Variants in AP2A1 observed in about 807,000 individuals in gnomAD.
AP2A1 encodes the protein adaptor related protein complex 2 subunit alpha 1, also known as AP-2 complex subunit alpha-1.
A neutral mutation model predicts 107.3 loss-of-function variants in AP2A1; 21 were observed. That is an observed-to-expected ratio of 0.20 (90% CI 0.14 to 0.28). AP2A1 has a LOEUF of 0.28. Among genes scored for constraint, AP2A1 ranks in the 10% least tolerant of loss-of-function variants. The probability of loss-of-function intolerance (pLI) is 1.00; values close to 1 mark genes in which losing one functional copy is unlikely to be tolerated. For missense variants in AP2A1, 873 were observed against 1,307.7 expected (o/e 0.67, Z 5.13); for synonymous variants, 602 against 564.8 (o/e 1.07, Z -0.93).
At chr19:49,779,336 CAAA>C (rs34194805) in intron 1 of AP2A1, among the ~76,000 whole-genome samples, 8 of 79,472 alleles carry the variant, frequency 1.0e-4, no homozygotes, top group Admixed American at 2.7e-4. Context: ...GACTCCGTCT[CAAA>C]AAAAAAAAAA....
At position 49,781,927 on chromosome 19, in the gene AP2A1, TC is replaced by T; in HGVS notation, c.137-18del. 6.2e-7 allele frequency: 1 copy of T among 1,611,668 alleles called. No individual in the cohort carries two copies. The highest frequency in any genetic ancestry group is 8.5e-7 in the Non-Finnish European group (1 of 1,179,070). On this transcript the variant is annotated intron_variant, in intron 2 of 22. Coordinates refer to ENST00000354293, the MANE Select transcript of AP2A1 (RefSeq NM_130787.3). ...CCCTTCCTTATTTCTGGCTCCCCTT[TC>T]CTCCTTCCTCTGCCCTAGGAGACAA...
At chr19:49,775,069 A>T (rs2084603994) in intron 1 of AP2A1, among the ~76,000 whole-genome samples, 1 of 151,748 alleles carries the variant, frequency 6.6e-6, no homozygotes, top group Admixed American at 6.6e-5. Flanking sequence ...CCACAAAAAA[A>T]CTTTTAAAAT....
chr19:49,774,449 C>T (rs138109545), intron 1 of AP2A1, among the ~76,000 whole-genome samples: 4 of 152,020 alleles, frequency 2.6e-5, no homozygotes, highest in African/African-American at 4.8e-5. Flanking sequence ...TTGTTATTTA[C>T]GAAGAATATA....
chr19:49,801,824 G>A lies in AP2A1; in HGVS notation c.1888G>A (p.Asp630Asn), dbSNP rs757462553. ...KGPGAGSALD[D>N]GRRDPSSNDI... ...GCCAGGGGCCGGCAGCGCCCTGGAC[G>A]ATGGCCGGAGGGACCCCAGCAGCAA... The change falls in exon 14 of 23, where the codon GAT (aspartate) becomes AAT (asparagine). Residue 630 changes from aspartate (D) to asparagine (N), a missense_variant. By Grantham distance (23) the Asp-to-Asn change is conservative. Transcript: ENST00000354293. The A allele has an allele frequency of 1.3e-6, 2 of 1,527,322 alleles. No homozygotes were observed. Among genetic ancestry groups the A allele is most frequent in the Non-Finnish European group, 1.8e-6 (2 of 1,140,624 alleles). 94.6% of individuals were successfully genotyped at this position (1,527,322 alleles called of 1,614,324 possible).
intron 4 of AP2A1, among the ~76,000 whole-genome samples, chr19:49,791,341 C>T (rs1361102978): frequency 6.6e-6 from 1 of 152,134 alleles, no homozygotes; most frequent in Non-Finnish European, 1.5e-5. Context: ...GCAATCCTCC[C>T]ACCTCACCCT....
At chr19:49,795,562 C>T (rs779751804) in intron 6 of AP2A1, 68 bp from the exon 7 acceptor site, 14 of 1,072,156 alleles carry the variant, frequency 1.3e-5, no homozygotes, top group Non-Finnish European at 2.0e-5. Context: ...TTTGCTCCAC[C>T]CTGGCATGTG....
Position 49,806,752 on chromosome 19 carries a change from G to T in AP2A1, c.2862G>T (p.Gln954His), listed in dbSNP as rs2073400443. Reference protein sequence around the residue: ...SRHLCELLAQQF With the variant: ...SRHLCELLAQHF ...ACCTGTGTGAGCTGCTGGCACAGCA[G>T]TTCTGAGCCCTGGACTCTGCCCCGG... Residue 954 changes from glutamine to histidine, a missense_variant, in exon 23 of 23, where the codon CAG (glutamine) becomes CAT (histidine). By Grantham distance (24) the Gln-to-His change is conservative. Coordinates refer to ENST00000354293, the MANE Select transcript of AP2A1 (RefSeq NM_130787.3). The T allele has an allele frequency of 1.2e-6, 2 of 1,613,722 alleles. No individual in the cohort carries two copies. Among genetic ancestry groups the T allele is most frequent in the South Asian group, 1.1e-5 (1 of 91,080 alleles).
chr19:49,787,486 T>TAA (rs2084756290), intron 4 of AP2A1, among the ~76,000 whole-genome samples: 1 of 151,460 alleles, frequency 6.6e-6, no homozygotes, highest in South Asian at 2.1e-4. Flanking sequence ...TAGCTGGGAT[T>TAA]ACAGGTGTGT....
chr19:49,782,775 C>G, intron 4 of AP2A1, 51 bp downstream of exon 4: 2 of 1,522,420 alleles, frequency 1.3e-6, no homozygotes, highest in Non-Finnish European at 1.8e-6. Context: ...GTGATGAGTC[C>G]CAGCCAAGTG....
intron 21 of AP2A1, 68 bp downstream of exon 21, chr19:49,806,009 C>G: frequency 6.2e-7 from 1 of 1,612,350 alleles, no homozygotes; most frequent in South Asian, 1.1e-5. Context: ...GTTTTCCCAT[C>G]TGTAAAGTGG....
chr19:49,792,627 C>T (rs1032132001), intron 5 of AP2A1, among the ~76,000 whole-genome samples: 1 of 152,074 alleles, frequency 6.6e-6, no homozygotes, highest in Non-Finnish European at 1.5e-5. Flanking sequence ...AAATCCCACT[C>T]TGTTTCTAAT....
chr19:49,767,416 AG>A (rs2084513993), intron 1 of AP2A1, among the ~76,000 whole-genome samples: 1 of 151,454 alleles, frequency 6.6e-6, no homozygotes, highest in African/African-American at 2.4e-5. Flanking sequence ...GAGTAGCTAG[AG>A]GGGTCCGGGA....
intron 1 of AP2A1, 44 bp from the exon 2 acceptor site, chr19:49,781,713 A>G: frequency 6.5e-7 from 1 of 1,549,158 alleles, no homozygotes; most frequent in Non-Finnish European, 8.7e-7. Flanking sequence ...CAGGTGGCTG[A>G]CTCCCCAGAC....
In AP2A1 at chr19:49,799,697, T is replaced by C; in HGVS notation, c.1203T>C (p.Asn401=). The C allele has an allele frequency of 1.2e-6, 2 of 1,613,232 alleles. No individual in the cohort carries two copies. The highest frequency in any genetic ancestry group is 1.7e-6 in the Non-Finnish European group (2 of 1,179,874). Residue 401 remains asparagine (N), a synonymous_variant, in exon 10 of 23, where the codon AAT becomes AAC. Transcript: ENST00000354293. ...TCTACGCCATGTGTGACCGGAGCAA[T>C]GCCAAGCAGATCGTGTCGGAGATGC... ...DLLYAMCDRS[N]AKQIVSEMLR... is the part of the protein sequence containing the mutation.
At chr19:49,795,005 A>G (rs1175547068) in intron 6 of AP2A1, among the ~76,000 whole-genome samples, 1 of 151,988 alleles carries the variant, frequency 6.6e-6, no homozygotes, top group Non-Finnish European at 1.5e-5. Flanking sequence ...TCTTCCCCGA[A>G]CCTCTTCCTA....
rs764150174 is a variant in AP2A1 at position 49,802,243 on chromosome 19, C to T, written c.2114+102C>T. On this transcript the variant is annotated intron_variant, in intron 15 of 22. Coordinates refer to ENST00000354293, the MANE Select transcript of AP2A1 (RefSeq NM_130787.3). ...CCCTGAGCCCCTCCCCCGCCCCCGA[C>T]TCGCTCCTCTCTCCATCCTGATGCC... The T allele has an allele frequency of 3.0e-5, 29 of 957,532 alleles. No homozygotes were observed. In the African/African-American group the frequency reaches 4.2e-4, roughly 14 times the overall value. 59.3% of individuals were successfully genotyped at this position (957,532 alleles called of 1,614,324 possible). A position where few individuals can be genotyped will look rare whatever the true frequency, so the allele number is the denominator to read the frequency against.
rs376441487 is a variant in AP2A1, at chr19:49,787,009, A to G, written c.473+4285A>G. Among the ~76,000 whole-genome samples, 193 of 152,142 alleles carry G rather than the reference A, an allele frequency of 1.3e-3. 2 individuals are homozygous for G. The highest frequency in any genetic ancestry group is 2.8e-3 in the Admixed American group (42 of 15,270). ...TTATTTTGTAGGTAGACTTTTATTTAACTTTTTATTTTTTGGAGACAGGGT... is the reference window on the plus strand; with the variant it reads ...TTATTTTGTAGGTAGACTTTTATTTGACTTTTTATTTTTTGGAGACAGGGT... On this transcript the variant is annotated intron_variant, in intron 4 of 22. Transcript: ENST00000354293.
Position 49,801,014 on chromosome 19 carries a change from C to T in AP2A1, c.1509C>T (p.Ile503=), listed in dbSNP as rs1445514639. Residue 503 remains isoleucine, a synonymous_variant, in exon 12 of 23, where the codon ATC becomes ATT. Coordinates refer to ENST00000354293, the MANE Select transcript of AP2A1 (RefSeq NM_130787.3). ...HENMVKVGGY[I]LGEFGNLIAG... ...ACATGGTGAAGGTTGGCGGCTACAT[C>T]CTTGGGGAGTTTGGGAACCTGATTG... is the stretch of plus-strand genomic sequence containing the variant. The T allele has an allele frequency of 1.9e-6, 3 of 1,608,064 alleles. No homozygotes were observed. Among genetic ancestry groups the T allele is most frequent in the Non-Finnish European group, 2.5e-6 (3 of 1,177,612 alleles).
intron 6 of AP2A1, 25 bp from the exon 7 acceptor site, chr19:49,795,605 C>CCTTTTT: frequency 1.2e-6 from 1 of 812,246 alleles, no homozygotes; most frequent in Admixed American, 2.6e-5. Context: ...CAGCCCCCAA[C>CCTTTTT]TTATTTCTTG....
Sources: gnomAD v4.1 joint callset for allele counts (sites outside exome capture counted in the v4.1 genomes callset) on GRCh38, gnomAD v4.1.1 for gene constraint, MANE v1.5 for transcripts, NCBI Gene and HGNC (gene_info 2026-07-23, HGNC 2026-07-21) for gene names.